The following GPHN variants were observed in gnomAD, a reference collection of about 807,000 sequenced individuals.
The protein encoded by GPHN is gephyrin.
GPHN carries 17 observed loss-of-function variants against 95.5 expected under a neutral mutation model. That is an observed-to-expected ratio of 0.18 (90% CI 0.12 to 0.27). GPHN has a LOEUF of 0.27. Ranked by LOEUF, GPHN falls within the 10% of genes least tolerant of loss-of-function variation. The probability of loss-of-function intolerance (pLI) is 1.00; values close to 1 mark genes in which losing one functional copy is unlikely to be tolerated. For synonymous variants in GPHN, 320 were observed against 322.5 expected (o/e 0.99, Z 0.08); for missense variants, 660 against 978.1 (o/e 0.67, Z 4.34).
intron 10 of GPHN, among the ~76,000 whole-genome samples, chr14:67,042,354 G>C (rs554628947): frequency 2.0e-5 from 3 of 152,098 alleles, no homozygotes; most frequent in South Asian, 2.1e-4. Flanking sequence ...GGATTTTTAT[G>C]GTCCTAGGTC....
chr14:66,915,787 A>G (rs564386950), intron 5 of GPHN, among the ~76,000 whole-genome samples: 1 of 152,320 alleles, frequency 6.6e-6, no homozygotes, highest in East Asian at 1.9e-4. Flanking sequence ...TTCCACATTC[A>G]GTACATTTTT....
intron 22 of GPHN, among the ~76,000 whole-genome samples, chr14:67,180,285 A>C (rs2140204772): frequency 6.6e-6 from 1 of 152,346 alleles, no homozygotes; most frequent in South Asian, 2.1e-4. Flanking sequence ...AACAGCGACT[A>C]AGTTCATGGG....
At chr14:66,864,546 G>T (rs866784758) in intron 4 of GPHN, among the ~76,000 whole-genome samples, 1 of 152,134 alleles carries the variant, frequency 6.6e-6, no homozygotes, top group Non-Finnish European at 1.5e-5. Context: ...GCCAAGACAG[G>T]CAGATCACCT....
At chr14:66,545,822 T>G (rs1290605523) in intron 1 of GPHN, among the ~76,000 whole-genome samples, 48 of 85,798 alleles carry the variant, frequency 5.6e-4, no homozygotes, top group South Asian at 8.6e-4. Context: ...GGGCGGAGGC[T>G]CCCCTCTCCT....
chr14:67,151,625 G>A (rs1246652182), intron 18 of GPHN, among the ~76,000 whole-genome samples: 1 of 152,064 alleles, frequency 6.6e-6, no homozygotes, highest in Non-Finnish European at 1.5e-5. Flanking sequence ...AAGGAAAGAT[G>A]TACCCTTTGT....
At chr14:67,245,986 T>C in the GPHN span, among the ~76,000 whole-genome samples, 1 of 152,090 alleles carries the variant, frequency 6.6e-6, no homozygotes, top group Non-Finnish European at 1.5e-5. Context: ...TCCAGTTCCA[T>C]GACCATTTGT....
chr14:67,577,320 AC>A, the GPHN span: 1 of 1,572,924 alleles, frequency 6.4e-7, no homozygotes. Context: ...CTCTGGAGGC[AC>A]CCCATGCTGT....
the GPHN span, chr14:67,205,110 T>C: frequency 1.3e-6 from 2 of 1,536,498 alleles, no homozygotes; most frequent in South Asian, 1.2e-5. Flanking sequence ...CTGAAGACTT[T>C]CATGCTTTAA....
chr14:67,033,775 A>G (rs921388989), intron 10 of GPHN, among the ~76,000 whole-genome samples: 7 of 147,522 alleles, frequency 4.7e-5, no homozygotes, highest in Non-Finnish European at 9.0e-5. Flanking sequence ...ACACTAAGAC[A>G]TGTTATAATG....
At chr14:67,402,400 A>G in the GPHN span, among the ~76,000 whole-genome samples, 1 of 152,200 alleles carries the variant, frequency 6.6e-6, no homozygotes, top group Non-Finnish European at 1.5e-5. Context: ...CATCCCCTCA[A>G]GCATTTATCC....
rs115576492 is a variant in GPHN at position 66,613,462 on chromosome 14, C to T, written c.65-67645C>T. ...GGCAAAAAATAGATCATGAAAAGGA[C>T]GCTTGTTTACAGTATGATTGCCAAA... On this transcript the variant is annotated intron_variant, in intron 1 of 22. Coordinates refer to ENST00000478722, the MANE Select transcript of GPHN (RefSeq NM_020806.5). Among the ~76,000 whole-genome samples, 1,353 of 152,122 alleles carry T rather than the reference C, an allele frequency of 8.9e-3. 17 individuals are homozygous for T. The highest frequency in any genetic ancestry group is 0.026 in the African/African-American group (1,071 of 41,520).
chr14:66,845,224 T>A lies in GPHN; in HGVS notation c.294+20658T>A, dbSNP rs191416687. Among the ~76,000 whole-genome samples, 60 of 152,282 alleles carry A rather than the reference T, an allele frequency of 3.9e-4. 1 individual carries two copies. The highest frequency in any genetic ancestry group is 1.4e-3 in the African/African-American group (60 of 41,568). On this transcript the variant is annotated intron_variant, in intron 4 of 22. Transcript: ENST00000478722. The stretch of plus-strand genomic sequence containing the variant: ...TCTGTTTTTCTTTTGGTTATATAAC[T>A]AGAAATGGATTCAATAGCATTTAAT...
At chr14:66,589,011 G>A (rs2061534051) in intron 1 of GPHN, among the ~76,000 whole-genome samples, 1 of 151,760 alleles carries the variant, frequency 6.6e-6, no homozygotes, top group African/African-American at 2.4e-5. Flanking sequence ...CAAAGGGAAG[G>A]CCATCAGACT....
intron 10 of GPHN, among the ~76,000 whole-genome samples, chr14:67,031,133 T>G (rs964984288): frequency 6.6e-6 from 1 of 152,136 alleles, no homozygotes; most frequent in African/African-American, 2.4e-5. Flanking sequence ...TCTCGACTTA[T>G]TACTACCTCT....
intron 17 of GPHN, among the ~76,000 whole-genome samples, chr14:67,129,787 AGAGAGAGAGG>A (rs1337811194): frequency 6.9e-6 from 1 of 144,474 alleles, no homozygotes; most frequent in Non-Finnish European, 1.5e-5. Context: ...AGAAAGAAAG[AGAGAGAGAGG>A]GAGAGGGAGG....
rs528183642 is a variant in GPHN, at chr14:66,905,014, C to G, written c.390-10989C>G. 3.3e-5 allele frequency among the ~76,000 whole-genome samples: 5 copies of G among 152,148 alleles called. No homozygotes were observed. The East Asian group carries it at 9.7e-4, about 29-fold the overall frequency. On this transcript the variant is annotated intron_variant, in intron 5 of 22. Transcript: ENST00000478722. Reference sequence around the variant, plus strand: ...TATTTCTTTGAATAAGCTTTCTACCCCTTGATCTTCCTCAACTCCCTCTTG... The same window carrying G: ...TATTTCTTTGAATAAGCTTTCTACCGCTTGATCTTCCTCAACTCCCTCTTG...
the GPHN span, chr14:67,348,826 T>A: frequency 2.0e-6 from 1 of 492,182 alleles, no homozygotes; most frequent in Non-Finnish European, 3.6e-6. Context: ...AGCCGGAACC[T>A]GCCTTCTTAA....
chr14:66,676,643 C>T (rs2066603101), intron 1 of GPHN, among the ~76,000 whole-genome samples: 1 of 148,222 alleles, frequency 6.7e-6, no homozygotes, highest in South Asian at 2.1e-4. Context: ...CCTCGCATAC[C>T]TGGGATAAAT....
chr14:67,651,252 C>G, the GPHN span: 1 of 1,534,582 alleles, frequency 6.5e-7, no homozygotes, highest in Non-Finnish European at 8.7e-7. Context: ...CCTCCCTCCT[C>G]CCACAGCCTG....
Sources: allele counts gnomAD v4.1 joint callset (sites outside exome capture counted in the v4.1 genomes callset), GRCh38; gene constraint gnomAD v4.1.1; transcripts MANE v1.5; gene names NCBI Gene and HGNC (gene_info 2026-07-23, HGNC 2026-07-21).